Variants in WNK3 observed in about 807,000 individuals in gnomAD.
WNK3 encodes WNK lysine deficient protein kinase 3.
A neutral mutation model predicts 116.7 loss-of-function variants in WNK3; 18 were observed. That is an observed-to-expected ratio of 0.15 (90% CI 0.11 to 0.23). WNK3 has a LOEUF of 0.23. Ranked by LOEUF, WNK3 falls within the 10% of genes least tolerant of loss-of-function variation. WNK3 has a pLI of 1.00. For synonymous variants in WNK3, 404 were observed against 469.4 expected (o/e 0.86, Z 1.80); for missense variants, 993 against 1,323.8 (o/e 0.75, Z 3.88).
intron 2 of WNK3, among the ~76,000 whole-genome samples, chrX:54,325,140 G>A (rs2069083363): frequency 9.0e-6 from 1 of 111,207 alleles, no homozygotes; most frequent in African/African-American, 3.3e-5. Context: ...GTGTCAACCT[G>A]CTATACTCTA....
At chrX:54,335,670 AAAAAT>A (rs1404081075) in intron 1 of WNK3, among the ~76,000 whole-genome samples, 3 of 112,538 alleles carry the variant, frequency 2.7e-5, no homozygotes, top group African/African-American at 9.7e-5. Flanking sequence ...TAAACAAAAT[AAAAAT>A]AAAATAAAAC....
At chrX:54,289,148 C>G in intron 10 of WNK3, among the ~76,000 whole-genome samples, 1 of 111,179 alleles carries the variant, frequency 9.0e-6, no homozygotes, top group South Asian at 3.9e-4. Flanking sequence ...GCAGACTGCA[C>G]GTGAGTCTTT....
At chrX:54,278,936 C>T (rs186689016) in intron 10 of WNK3, among the ~76,000 whole-genome samples, 3 of 110,688 alleles carry the variant, frequency 2.7e-5, no homozygotes, top group Non-Finnish European at 3.8e-5. Context: ...GGGGTGGTGG[C>T]GGGCACCTGT....
chrX:54,250,123 C>G, exon 16 of WNK3: 4 of 1,186,348 alleles, frequency 3.4e-6, no homozygotes, highest in Non-Finnish European at 3.4e-6. Flanking sequence ...GACTGAGGAG[C>G]AGATTCATCT....
intron 12 of WNK3, 42 bp downstream of exon 12, chrX:54,255,698 C>T (rs1557155326): frequency 1.7e-6 from 2 of 1,171,817 alleles, no homozygotes; most frequent in East Asian, 3.0e-5. Flanking sequence ...ACCCTCCAGA[C>T]CTCTATATGT....
At chrX:54,263,522 G>A (rs1295044335) in intron 10 of WNK3, among the ~76,000 whole-genome samples, 1 of 112,093 alleles carries the variant, frequency 8.9e-6, no homozygotes, top group Non-Finnish European at 1.9e-5. Context: ...TTTACTATAT[G>A]TACATTATCC....
chrX:54,284,928 C>T (rs1569537851), intron 10 of WNK3, among the ~76,000 whole-genome samples: 2 of 109,942 alleles, frequency 1.8e-5, no homozygotes, highest in Non-Finnish European at 3.8e-5. Context: ...CGAGATCAAG[C>T]CATTGCACTC....
At chrX:54,339,150 T>C (rs1373264833) in intron 1 of WNK3, among the ~76,000 whole-genome samples, 2 of 110,809 alleles carry the variant, frequency 1.8e-5, no homozygotes, top group Non-Finnish European at 3.8e-5. Flanking sequence ...ATCAAGACAA[T>C]ATACCATAAA....
At chrX:54,333,940 G>T (rs1346350852) in intron 1 of WNK3, 148 bp from the exon 2 acceptor site, 1 of 383,127 alleles carries the variant, frequency 2.6e-6, no homozygotes, top group Non-Finnish European at 4.4e-6. Context: ...CAGACTCTAG[G>T]GACTGTGTCT....
At chrX:54,342,565 CAA>C (rs781878525) in intron 1 of WNK3, among the ~76,000 whole-genome samples, 1 of 96,303 alleles carries the variant, frequency 1.0e-5, no homozygotes. Flanking sequence ...AAATCTGTCT[CAA>C]AAAAAAAAAA....
At position 54,238,252 on chromosome X, in the gene WNK3, A is replaced by C. The variant is rs1557150663; in HGVS notation, c.4014+90T>G. On this transcript the variant is annotated intron_variant, in intron 19 of 23. Transcript: ENST00000354646. ...CATCTCAAAAAAAAATAAAAACAAA[A>C]ATGGAAGTATCATCTACAGACCAAG... 3 of 1,033,807 alleles carry C rather than the reference A, an allele frequency of 2.9e-6. No individual in the cohort carries two copies. In the East Asian group the frequency reaches 9.8e-5, roughly 34 times the overall value. The allele number at this position is 1,033,807 out of a possible 1,213,427, so 85.2% of individuals were successfully genotyped here.
chrX:54,239,366 T>C (rs1435617822), intron 17 of WNK3, among the ~76,000 whole-genome samples: 2 of 110,984 alleles, frequency 1.8e-5, no homozygotes, highest in East Asian at 5.6e-4. Flanking sequence ...CTTTAGTAAA[T>C]AAAAGAGAAG....
At chrX:54,276,034 G>C (rs2068442879) in intron 10 of WNK3, among the ~76,000 whole-genome samples, 1 of 110,787 alleles carries the variant, frequency 9.0e-6, no homozygotes, top group Non-Finnish European at 1.9e-5. Flanking sequence ...CTTCAAAACA[G>C]AAGTAAAAAA....
At chrX:54,316,976 A>G (rs1342669558) in intron 2 of WNK3, among the ~76,000 whole-genome samples, 2 of 111,237 alleles carry the variant, frequency 1.8e-5, no homozygotes, top group Non-Finnish European at 3.8e-5. Flanking sequence ...TTGAAAGCAG[A>G]GACACAGACA....
At chrX:54,248,739 G>A in exon 17 of WNK3, 1 of 1,211,137 alleles carries the variant, frequency 8.3e-7, no homozygotes, top group Non-Finnish European at 1.1e-6. Context: ...TCACATTCAG[G>A]TCCCTTTTGA....
chrX:54,347,784 C>T (rs1349593003), intron 1 of WNK3, among the ~76,000 whole-genome samples: 2 of 107,107 alleles, frequency 1.9e-5, no homozygotes, highest in Admixed American at 1.0e-4. Context: ...ATACATAATA[C>T]AATCATGTGG....
chrX:54,232,622 A>G (rs2067914605), intron 21 of WNK3, among the ~76,000 whole-genome samples, 187 bp downstream of exon 21: 1 of 112,213 alleles, frequency 8.9e-6, no homozygotes, highest in South Asian at 3.7e-4. Context: ...TTTACAATCT[A>G]TCAATTATCC....
intron 1 of WNK3, among the ~76,000 whole-genome samples, chrX:54,336,417 G>A (rs1557175394): frequency 9.1e-6 from 1 of 109,490 alleles, no homozygotes. Context: ...AATGGTGCTG[G>A]GACAACTGGA....
intron 1 of WNK3, among the ~76,000 whole-genome samples, chrX:54,352,597 C>T (rs956704786): frequency 1.8e-5 from 2 of 111,329 alleles, no homozygotes; most frequent in Non-Finnish European, 3.8e-5. Context: ...GGAAGATTGC[C>T]TCAGCCTGGG....
Sources: allele counts gnomAD v4.1 joint callset (sites outside exome capture counted in the v4.1 genomes callset), GRCh38; gene constraint gnomAD v4.1.1; transcripts MANE v1.5; gene names NCBI Gene and HGNC (gene_info 2026-07-23, HGNC 2026-07-21).